The following RRP15 variants were observed in gnomAD, a reference collection of about 807,000 sequenced individuals.
RRP15 encodes the protein ribosomal RNA processing 15 homolog.
RRP15 carries 18 observed loss-of-function variants against 27.1 expected under a neutral mutation model. The observed-to-expected ratio is 0.66, with a 90% CI of 0.46 to 0.98. RRP15 has a LOEUF of 0.98. Among genes scored for constraint, RRP15 ranks in the 50% least tolerant of loss-of-function variants. The pLI, the probability that RRP15 is intolerant of heterozygous loss-of-function variation, is 0.00. For missense variants in RRP15, 359 were observed against 337.8 expected (o/e 1.06, Z -0.49); for synonymous variants, 107 against 109.4 (o/e 0.98, Z 0.14).
chr1:218,310,190 A>AAAAT (rs1319886155), intron 4 of RRP15, among the ~76,000 whole-genome samples: 1 of 152,216 alleles, frequency 6.6e-6, no homozygotes, highest in Non-Finnish European at 1.5e-5. Flanking sequence ...CTTTCCTCAT[A>AAAAT]GGTGTTCCTT....
chr1:218,328,044 A>G (rs1346842746), intron 4 of RRP15, among the ~76,000 whole-genome samples: 1 of 152,250 alleles, frequency 6.6e-6, no homozygotes, highest in Non-Finnish European at 1.5e-5. Flanking sequence ...TTGAATTGCT[A>G]ATAACATATT....
At chr1:218,302,731 A>G in intron 2 of RRP15, 172 bp downstream of exon 2, 2 of 999,856 alleles carry the variant, frequency 2.0e-6, no homozygotes, top group Non-Finnish European at 1.4e-6. Context: ...AAATTATTCC[A>G]TTGAGCATGT....
chr1:218,307,441 C>T lies in RRP15; in HGVS notation c.514C>T (p.Gln172Ter). Residue 172 changes from glutamine to a stop codon, truncating the protein, a stop_gained, in exon 4 of 5, where the codon CAA becomes TAA. Transcript: ENST00000366932. LOFTEE classifies it high-confidence loss of function. ...TTTTATATTCTACAGGGGTGTGGTG[C>T]AATTATTTAATGCTGTTCAGAAACA... Reference protein sequence around the residue: ...LQRIATRGVVQLFNAVQKHQK... With the variant: ...LQRIATRGVV 1 of 1,613,022 alleles carries T rather than the reference C, an allele frequency of 6.2e-7. No individual in the cohort carries two copies. The highest frequency in any genetic ancestry group is 8.5e-7 in the Non-Finnish European group (1 of 1,179,250).
chr1:218,310,452 CTT>C (rs1001096214), intron 4 of RRP15, among the ~76,000 whole-genome samples: 5 of 152,208 alleles, frequency 3.3e-5, no homozygotes, highest in African/African-American at 1.2e-4. Context: ...ACATTAAAGT[CTT>C]ATGTTCAATA....
chr1:218,308,054 C>G (rs371169739), intron 4 of RRP15, among the ~76,000 whole-genome samples: 1 of 75,598 alleles, frequency 1.3e-5, no homozygotes, highest in African/African-American at 4.4e-5. Flanking sequence ...TCAGTAGTTT[C>G]TTTCTTTCTT....
At chr1:218,290,679 G>A (rs116077608) in intron 1 of RRP15, among the ~76,000 whole-genome samples, 1 of 152,176 alleles carries the variant, frequency 6.6e-6, no homozygotes, top group Non-Finnish European at 1.5e-5. Context: ...ATGTTGCTCA[G>A]ACTGGTCTTG....
At chr1:218,296,331 A>G (rs1373760822) in intron 1 of RRP15, among the ~76,000 whole-genome samples, 1 of 152,132 alleles carries the variant, frequency 6.6e-6, no homozygotes. Context: ...TCACCTGTGT[A>G]AATACAATAA....
chr1:218,324,869 T>G (rs1039584165), intron 4 of RRP15, among the ~76,000 whole-genome samples: 2 of 152,196 alleles, frequency 1.3e-5, no homozygotes, highest in African/African-American at 4.8e-5. Context: ...TTAATTTCCT[T>G]TATTAATTTA....
chr1:218,305,999 A>G (rs1655893551), intron 3 of RRP15, among the ~76,000 whole-genome samples: 3 of 152,140 alleles, frequency 2.0e-5, no homozygotes, highest in Admixed American at 2.0e-4. Context: ...GGTTTCTTTG[A>G]TAATTAAATG....
chr1:218,291,479 T>G (rs1027714682), intron 1 of RRP15, among the ~76,000 whole-genome samples: 25 of 145,672 alleles, frequency 1.7e-4, no homozygotes, highest in Non-Finnish European at 2.9e-4. Context: ...AACAAAACTC[T>G]GAGATTAAAG....
chr1:218,285,339 C>A lies in RRP15; in HGVS notation c.23C>A (p.Ser8Ter). ...AAAATGGCAGCCGCCGCTCCGGACT[C>A]ACGTGTGAGTGAGGAAGAAAACCTG... MAAAAPD[S>*]RVSEEENLKK... is the part of the protein sequence containing the mutation. The change falls in exon 1 of 5, where the codon TCA becomes TAA. Residue 8 changes from serine (S) to a stop codon, truncating the protein, a stop_gained. Coordinates refer to ENST00000366932, the MANE Select transcript of RRP15 (RefSeq NM_016052.4). LOFTEE classifies it high-confidence loss of function. The A allele has an allele frequency of 1.2e-6, 2 of 1,614,088 alleles. No individual in the cohort carries two copies. The highest frequency in any genetic ancestry group is 1.1e-5 in the South Asian group (1 of 91,070).
chr1:218,307,041 A>AT (rs1474634700), intron 3 of RRP15, among the ~76,000 whole-genome samples: 1 of 152,200 alleles, frequency 6.6e-6, no homozygotes, highest in East Asian at 1.9e-4. Flanking sequence ...TAAAATAAGT[A>AT]TTTTTTAAAG....
chr1:218,291,685 C>T (rs1655644437), intron 1 of RRP15, among the ~76,000 whole-genome samples: 2 of 151,706 alleles, frequency 1.3e-5, no homozygotes, highest in South Asian at 4.2e-4. Flanking sequence ...GCACGTGCCA[C>T]CACGCCCGGC....
At chr1:218,290,448 T>TTTTG (rs753287301) in intron 1 of RRP15, among the ~76,000 whole-genome samples, 1 of 151,208 alleles carries the variant, frequency 6.6e-6, no homozygotes, top group African/African-American at 2.5e-5. Context: ...TTTTTGGGTT[T>TTTTG]TTTGTTTGTT....
At position 218,307,740 on chromosome 1, in the gene RRP15, A is replaced by T. The variant is rs57995633; in HGVS notation, c.705+108A>T. The T allele has an allele frequency of 6.6e-5, 51 of 777,918 alleles. No individual in the cohort carries two copies. In the South Asian group the frequency reaches 9.4e-4, roughly 14 times the overall value. 48.2% of individuals were successfully genotyped at this position (777,918 alleles called of 1,614,324 possible). Reference sequence around the variant, plus strand: ...TACAGAGTTTTGTGTTTTTTTCCTAAATTTTATTAAAATTCCTCCATGCCC... The same window carrying T: ...TACAGAGTTTTGTGTTTTTTTCCTATATTTTATTAAAATTCCTCCATGCCC... On this transcript the variant is annotated intron_variant, in intron 4 of 4. Coordinates refer to ENST00000366932, the MANE Select transcript of RRP15 (RefSeq NM_016052.4).
intron 3 of RRP15, among the ~76,000 whole-genome samples, chr1:218,306,648 A>T (rs1558206102): frequency 6.6e-6 from 1 of 152,218 alleles, no homozygotes; most frequent in Non-Finnish European, 1.5e-5. Context: ...AGTCTAAATC[A>T]ACGCTATCCA....
In RRP15 at chr1:218,302,345, AAGCTG is replaced by A. The variant is rs1655824440; in HGVS notation, c.193_197del (p.Ala65GlnfsTer2). The A allele has an allele frequency of 6.2e-7, 1 of 1,614,094 alleles. No individual in the cohort carries two copies. Among genetic ancestry groups the A allele is most frequent in the Non-Finnish European group, 8.5e-7 (1 of 1,180,002 alleles). On this transcript the variant is annotated frameshift_variant, in exon 2 of 5. Transcript: ENST00000366932. LOFTEE classifies it high-confidence loss of function. ...TTTTATTCTGATGATGACGCAATAG[AAGCTG>A]ACAGTGAGGGTGATGCTGAGCCCTG...
intron 1 of RRP15, among the ~76,000 whole-genome samples, chr1:218,299,573 G>A (rs992211219): frequency 1.3e-5 from 2 of 152,014 alleles, no homozygotes; most frequent in African/African-American, 4.8e-5. Flanking sequence ...GAATACATCA[G>A]GACAAAACAC....
At chr1:218,315,849 A>G (rs1015614765) in intron 4 of RRP15, among the ~76,000 whole-genome samples, 2 of 152,168 alleles carry the variant, frequency 1.3e-5, no homozygotes, top group Non-Finnish European at 2.9e-5. Flanking sequence ...TTGCAGGACA[A>G]CAGTGTTTTA....
Sources: allele counts gnomAD v4.1 joint callset (sites outside exome capture counted in the v4.1 genomes callset), GRCh38; gene constraint gnomAD v4.1.1; transcripts MANE v1.5; gene names NCBI Gene and HGNC (gene_info 2026-07-23, HGNC 2026-07-21).